The following CEP126 variants were observed in gnomAD, a reference collection of about 807,000 sequenced individuals.
CEP126 encodes the protein centrosomal protein 126, also known as centrosomal protein of 126 kDa.
Under a neutral mutation model 107.8 loss-of-function variants are expected in CEP126, and 74 were observed. The observed-to-expected ratio is 0.69, with a 90% CI of 0.57 to 0.83. The LOEUF (loss-of-function observed/expected upper bound fraction) is 0.83. Ranked by LOEUF, CEP126 falls within the 40% of genes least tolerant of loss-of-function variation. CEP126 has a pLI of 0.00. For synonymous variants in CEP126, 449 were observed against 446.0 expected (o/e 1.01, Z -0.08); for missense variants, 1,237 against 1,281.9 (o/e 0.96, Z 0.53).
chr11:101,944,192 A>G, intron 2 of CEP126, 73 bp from the exon 3 acceptor site: 1 of 1,326,036 alleles, frequency 7.5e-7, no homozygotes, highest in South Asian at 1.6e-5. Context: ...GTTATATAAT[A>G]AATGCGTCAT....
At chr11:101,980,711 G>C (rs1941245456) in intron 7 of CEP126, among the ~76,000 whole-genome samples, 1 of 152,184 alleles carries the variant, frequency 6.6e-6, no homozygotes, top group African/African-American at 2.4e-5. Context: ...CCTTGTATTA[G>C]GAAATGCATG....
At chr11:101,985,120 C>T (rs897669360) in intron 8 of CEP126, among the ~76,000 whole-genome samples, 1 of 152,070 alleles carries the variant, frequency 6.6e-6, no homozygotes, top group Non-Finnish European at 1.5e-5. Context: ...AACAGTGATA[C>T]CAAACAACCA....
At position 101,983,480 on chromosome 11, in the gene CEP126, G is replaced by C. The variant is rs547412453; in HGVS notation, c.3034+1516G>C. ...TGCCACTTAATGGTATGCTGATCAT[G>C]AAACAAGCAAAGATCTATCATGATG... is the stretch of plus-strand genomic sequence containing the variant. On this transcript the variant is annotated intron_variant, in intron 8 of 10. Transcript: ENST00000263468. Among the ~76,000 whole-genome samples, 21 of 152,314 alleles carry C rather than the reference G, an allele frequency of 1.4e-4. No homozygotes were observed. The East Asian group carries it at 2.3e-3, about 17-fold the overall frequency.
chr11:101,919,174 A>T (rs889369360), intron 1 of CEP126, among the ~76,000 whole-genome samples: 1 of 152,172 alleles, frequency 6.6e-6, no homozygotes, highest in South Asian at 2.1e-4. Flanking sequence ...GAATTAGAGG[A>T]GCACTGTAGT....
At chr11:101,992,066 G>A (rs910456203) in intron 9 of CEP126, among the ~76,000 whole-genome samples, 4 of 151,836 alleles carry the variant, frequency 2.6e-5, no homozygotes, top group Middle Eastern at 3.2e-3. Context: ...CTTAATCTAG[G>A]TGGTTCCACA....
At chr11:101,936,172 A>T (rs1565352505) in intron 2 of CEP126, among the ~76,000 whole-genome samples, 1 of 152,036 alleles carries the variant, frequency 6.6e-6, no homozygotes, top group Non-Finnish European at 1.5e-5. Flanking sequence ...CCATGAACAC[A>T]GCTTATCTCT....
At chr11:101,978,264 A>G (rs966956753) in intron 6 of CEP126, 83 bp from the exon 7 acceptor site, 2 of 833,580 alleles carry the variant, frequency 2.4e-6, no homozygotes. Flanking sequence ...TTGATATTTG[A>G]AAGTAACTTG....
chr11:101,956,494 C>G (rs1357658550), intron 4 of CEP126: 1 of 456,588 alleles, frequency 2.2e-6, no homozygotes, highest in Non-Finnish European at 4.4e-6. Context: ...CCTCAGTTCT[C>G]TCCCTTGCAT....
In CEP126 at chr11:101,935,816, A is replaced by G. The variant is rs1392381770; in HGVS notation, c.249-8449A>G. ...ATATAGGAATTTTAGGATGAAGTAT[A>G]GGATGTTTAACAGTACTTGCCTGCT... On this transcript the variant is annotated intron_variant, in intron 2 of 10. Coordinates refer to ENST00000263468, the MANE Select transcript of CEP126 (RefSeq NM_020802.4). Among the ~76,000 whole-genome samples the G allele has an allele frequency of 2.0e-5, 3 of 152,070 alleles. No individual in the cohort carries two copies. The East Asian group carries it at 5.8e-4, about 29-fold the overall frequency.
intron 6 of CEP126, among the ~76,000 whole-genome samples, chr11:101,967,021 C>G (rs1394207218): frequency 7.3e-6 from 1 of 137,176 alleles, no homozygotes; most frequent in Non-Finnish European, 1.5e-5. Context: ...TCATCTCTTT[C>G]TTTCTTTTTT....
At chr11:101,956,767 C>T (rs749351049) in intron 4 of CEP126, 7 of 452,714 alleles carry the variant, frequency 1.5e-5, no homozygotes, top group South Asian at 1.1e-4. Flanking sequence ...TTATGATTTC[C>T]TCTTCCTTTC....
At chr11:101,944,828 C>G (rs7107662) in intron 3 of CEP126, among the ~76,000 whole-genome samples, 58,642 of 151,788 alleles carry the variant, frequency 0.39, 11,597 homozygotes, top group East Asian at 0.51. Context: ...TAATATAATC[C>G]AACAAGATAA....
At chr11:101,949,733 A>C (rs1441806146) in intron 4 of CEP126, among the ~76,000 whole-genome samples, 1 of 152,210 alleles carries the variant, frequency 6.6e-6, no homozygotes, top group African/African-American at 2.4e-5. Context: ...CAGGAGGCAC[A>C]CTTAAAAGAG....
At chr11:101,969,295 A>G (rs1941097237) in intron 6 of CEP126, among the ~76,000 whole-genome samples, 1 of 152,218 alleles carries the variant, frequency 6.6e-6, no homozygotes, top group South Asian at 2.1e-4. Context: ...TGCTAGGAAT[A>G]CAGGCATGAG....
At chr11:101,928,012 C>T (rs1009312393) in intron 2 of CEP126, among the ~76,000 whole-genome samples, 3 of 152,148 alleles carry the variant, frequency 2.0e-5, no homozygotes, top group African/African-American at 7.2e-5. Flanking sequence ...CCAGCTTTTC[C>T]TCATCCTCAC....
chr11:101,956,574 G>A (rs1940895468), intron 4 of CEP126: 1 of 456,248 alleles, frequency 2.2e-6, no homozygotes, highest in Non-Finnish European at 4.4e-6. Flanking sequence ...TCTTCAGCCT[G>A]TATACTGTTT....
intron 2 of CEP126, among the ~76,000 whole-genome samples, chr11:101,933,740 C>T (rs1157940169): frequency 2.0e-5 from 3 of 151,760 alleles, no homozygotes; most frequent in East Asian, 3.9e-4. Flanking sequence ...GAAATATAAA[C>T]GCCAATCATG....
At chr11:101,977,549 T>G (rs2137123901) in intron 6 of CEP126, among the ~76,000 whole-genome samples, 1 of 147,270 alleles carries the variant, frequency 6.8e-6, no homozygotes, top group African/African-American at 2.5e-5. Context: ...GAGAATCACC[T>G]GATCCCGGGA....
intron 2 of CEP126, among the ~76,000 whole-genome samples, chr11:101,929,137 A>G (rs1232355025): frequency 6.6e-6 from 1 of 152,218 alleles, no homozygotes; most frequent in African/African-American, 2.4e-5. Context: ...ATCTACAAAC[A>G]TGCTCATTGA....
Sources: gnomAD v4.1 joint callset for allele counts (sites outside exome capture counted in the v4.1 genomes callset) on GRCh38, gnomAD v4.1.1 for gene constraint, MANE v1.5 for transcripts, NCBI Gene and HGNC (gene_info 2026-07-23, HGNC 2026-07-21) for gene names.